EXOC1: variants seen among roughly 807,000 people sequenced by gnomAD.
The protein encoded by EXOC1 is SEC3-like 1.
A neutral mutation model predicts 107.7 loss-of-function variants in EXOC1; 67 were observed. The ratio of observed to expected loss-of-function variants is 0.62; its 90% CI spans 0.51 to 0.76. The LOEUF (loss-of-function observed/expected upper bound fraction) is 0.76. EXOC1 is among the 30% of genes least tolerant of loss of function. The pLI is 0.00. For missense variants in EXOC1, 833 were observed against 1,055.7 expected (o/e 0.79, Z 2.92); for synonymous variants, 348 against 353.5 (o/e 0.98, Z 0.17).
chr4:55,885,129 A>C (rs1309329823), intron 10 of EXOC1, among the ~76,000 whole-genome samples: 2 of 151,912 alleles, frequency 1.3e-5, no homozygotes, highest in African/African-American at 4.8e-5. Context: ...TTTTTTGAGT[A>C]AACAGCATAT....
At chr4:55,899,099 A>T (rs1725589239) in intron 16 of EXOC1, among the ~76,000 whole-genome samples, 1 of 152,032 alleles carries the variant, frequency 6.6e-6, no homozygotes, top group Non-Finnish European at 1.5e-5. Context: ...TAGGCTATAA[A>T]TTATCTCACT....
intron 9 of EXOC1, among the ~76,000 whole-genome samples, chr4:55,880,780 T>C (rs1230781769): frequency 6.6e-6 from 1 of 152,200 alleles, no homozygotes. Context: ...GCTCAGAGTA[T>C]ATTTTTGATT....
intron 16 of EXOC1, among the ~76,000 whole-genome samples, chr4:55,897,902 C>G (rs951061582): frequency 7.9e-5 from 12 of 152,190 alleles, no homozygotes; most frequent in African/African-American, 2.9e-4. Context: ...AGGCATGAGC[C>G]ACCGTGTCCA....
At chr4:55,855,033 G>A (rs1012171178) in intron 1 of EXOC1, among the ~76,000 whole-genome samples, 3 of 152,298 alleles carry the variant, frequency 2.0e-5, no homozygotes, top group Non-Finnish European at 2.9e-5. Context: ...TGTAATTAGG[G>A]TTTGGATAGG....
chr4:55,863,180 G>C (rs1247122017), intron 3 of EXOC1, among the ~76,000 whole-genome samples: 2 of 152,084 alleles, frequency 1.3e-5, no homozygotes, highest in African/African-American at 4.8e-5. Context: ...GATTACAGGC[G>C]TGAGCTACCA....
chr4:55,860,630 CAAATT>C (rs1721387922), intron 3 of EXOC1, 89 bp downstream of exon 3: 24 of 1,440,228 alleles, frequency 1.7e-5, no homozygotes, highest in Non-Finnish European at 2.2e-5. Flanking sequence ...GATCTAAAAA[CAAATT>C]AATATATATG....
At chr4:55,868,583 T>C in intron 5 of EXOC1, 60 bp downstream of exon 5, 1 of 1,485,606 alleles carries the variant, frequency 6.7e-7, no homozygotes, top group South Asian at 1.2e-5. Context: ...AGGCTAATGA[T>C]GTTCATATTA....
intron 8 of EXOC1, 137 bp from the exon 9 acceptor site, chr4:55,877,780 T>C: frequency 1.4e-6 from 2 of 1,449,808 alleles, no homozygotes; most frequent in Admixed American, 5.8e-5. Context: ...TTTTTATTTT[T>C]CTGTGTTCTA....
intron 9 of EXOC1, among the ~76,000 whole-genome samples, chr4:55,878,290 C>T (rs1300475884): frequency 6.6e-6 from 1 of 152,094 alleles, no homozygotes; most frequent in Non-Finnish European, 1.5e-5. Context: ...CATACTGTAG[C>T]CTAAAGCATC....
At chr4:55,888,863 A>G in intron 10 of EXOC1, 25 bp from the exon 11 acceptor site, 1 of 1,613,232 alleles carries the variant, frequency 6.2e-7, no homozygotes, top group Non-Finnish European at 8.5e-7. Flanking sequence ...TTTGTCTTTG[A>G]TGCTTGCAAC....
At chr4:55,875,685 GT>G (rs1318512765) in intron 8 of EXOC1, 3 of 984,964 alleles carry the variant, frequency 3.0e-6, no homozygotes, top group Non-Finnish European at 1.2e-6. Context: ...ACGATACATT[GT>G]TACTAATAAA....
chr4:55,862,133 T>G (rs1321801149), intron 3 of EXOC1, among the ~76,000 whole-genome samples: 2 of 152,216 alleles, frequency 1.3e-5, no homozygotes, highest in Non-Finnish European at 2.9e-5. Context: ...ACTTTTCTGG[T>G]TGTTTTCTGT....
chr4:55,893,373 G>A (rs1458229928), intron 14 of EXOC1, among the ~76,000 whole-genome samples, 179 bp from the exon 15 acceptor site: 1 of 152,190 alleles, frequency 6.6e-6, no homozygotes, highest in Admixed American at 6.5e-5. Context: ...GCACACCTTG[G>A]CCTCTCAAAG....
At chr4:55,873,798 G>A (rs146498657) in intron 8 of EXOC1, among the ~76,000 whole-genome samples, 172 of 152,226 alleles carry the variant, frequency 1.1e-3, no homozygotes, top group African/African-American at 3.9e-3. Context: ...TGAGAAACAT[G>A]GGTATTTCTA....
Position 55,864,997 on chromosome 4 carries a change from C to G in EXOC1, c.415+611C>G, listed in dbSNP as rs115824831. Among the ~76,000 whole-genome samples, 1,011 of 152,268 alleles carry G rather than the reference C, an allele frequency of 6.6e-3. 12 individuals are homozygous for G. The highest frequency in any genetic ancestry group is 0.023 in the African/African-American group (970 of 41,552). On this transcript the variant is annotated intron_variant, in intron 4 of 18. Coordinates refer to ENST00000381295, the MANE Select transcript of EXOC1 (RefSeq NM_001024924.2). ...ATATGACTTTGCATTGATACTTACT[C>G]TCTATGTTTCAGTTTCCCTTATCTC...
chr4:55,890,531 GAAAA>G lies in EXOC1; in HGVS notation c.1539+159_1539+162del, dbSNP rs34003680. ...GTCTTTCCAACTGAATCGAATCTGG[GAAAA>G]AAAAAAAAAAAAACTAGTCAAAGGA... On this transcript the variant is annotated intron_variant, in intron 12 of 18. Transcript: ENST00000381295. 1,072 of 299,728 alleles carry G rather than the reference GAAAA, an allele frequency of 3.6e-3. 3 individuals are homozygous for G. Among genetic ancestry groups the G allele is most frequent in the Non-Finnish European group, 4.7e-3 (801 of 169,728 alleles). The allele number at this position is 299,728 out of a possible 1,614,324, so 18.6% of individuals were successfully genotyped here.
intron 9 of EXOC1, among the ~76,000 whole-genome samples, chr4:55,880,337 T>C (rs1324630558): frequency 6.6e-6 from 1 of 152,056 alleles, no homozygotes; most frequent in Non-Finnish European, 1.5e-5. Flanking sequence ...GAGGTGCTTA[T>C]ATACTTCTTG....
At chr4:55,862,010 C>T (rs1359937890) in intron 3 of EXOC1, among the ~76,000 whole-genome samples, 18 of 152,032 alleles carry the variant, frequency 1.2e-4, no homozygotes, top group Middle Eastern at 6.8e-3. Context: ...GCCGAGATTG[C>T]GCCACTGCAC....
chr4:55,855,755 A>G (rs1720906359), intron 1 of EXOC1, among the ~76,000 whole-genome samples: 1 of 152,220 alleles, frequency 6.6e-6, no homozygotes, highest in Non-Finnish European at 1.5e-5. Context: ...AGAAGGTTGC[A>G]TGAACAAAAG....
Sources: gnomAD v4.1 joint callset for allele counts (sites outside exome capture counted in the v4.1 genomes callset) on GRCh38, gnomAD v4.1.1 for gene constraint, MANE v1.5 for transcripts, NCBI Gene and HGNC (gene_info 2026-07-23, HGNC 2026-07-21) for gene names.